Variants in RALGAPA1 observed in about 807,000 individuals in gnomAD.
RALGAPA1 encodes the protein Ral GTPase activating protein catalytic subunit alpha 1.
In RALGAPA1, 52 loss-of-function variants were observed where a neutral mutation model predicts 269.6. The ratio of observed to expected loss-of-function variants is 0.19; its 90% CI spans 0.15 to 0.24. RALGAPA1 has a LOEUF of 0.24. RALGAPA1 is among the 10% of genes least tolerant of loss of function. RALGAPA1 has a pLI of 1.00. For missense variants in RALGAPA1, 1,917 were observed against 3,013.9 expected, an observed-to-expected ratio of 0.64 and a Z score of 8.52; for synonymous variants, 817 against 1,008.3, an observed-to-expected ratio of 0.81 and a Z score of 3.60.
chr14:35,673,041 T>C lies in RALGAPA1; in HGVS notation c.4918-19A>G. On this transcript the variant is annotated intron_variant, in intron 24 of 41. Transcript: ENST00000680220. ...TGGTTGCCTAAAATTAAAAGATCAGTTTTAATGTTCAAAAAGAAATACTAT... is the reference window on the plus strand; with the variant it reads ...TGGTTGCCTAAAATTAAAAGATCAGCTTTAATGTTCAAAAAGAAATACTAT... 1 of 1,412,852 alleles carries C rather than the reference T, an allele frequency of 7.1e-7. No individual in the cohort carries two copies. The allele number at this position is 1,412,852 out of a possible 1,614,324, so 87.5% of individuals were successfully genotyped here.
Position 35,655,661 on chromosome 14 carries a change from A to C in RALGAPA1, c.5496+146T>G, listed in dbSNP as rs1054621176. ...AATTCAAGAAACAGAACAATTTTTA[A>C]GGAATGAGTCAGGATCAAGAAAATA... On this transcript the variant is annotated intron_variant, in intron 29 of 41. Transcript: ENST00000680220. The C allele has an allele frequency of 1.2e-5, 14 of 1,204,376 alleles. No homozygotes were observed. In the East Asian group the frequency reaches 2.8e-4, roughly 24 times the overall value. The allele number at this position is 1,204,376 out of a possible 1,614,324, so 74.6% of individuals were successfully genotyped here. A position where few individuals can be genotyped will look rare whatever the true frequency, so the allele number is the denominator to read the frequency against.
At chr14:35,805,918 G>A (rs2077339441) in intron 1 of RALGAPA1, among the ~76,000 whole-genome samples, 1 of 151,926 alleles carries the variant, frequency 6.6e-6, no homozygotes, top group South Asian at 2.1e-4. Flanking sequence ...TTGAATTCCT[G>A]ACCTCGTGAT....
At chr14:35,800,076 C>T (rs1416867100) in intron 1 of RALGAPA1, among the ~76,000 whole-genome samples, 1 of 152,088 alleles carries the variant, frequency 6.6e-6, no homozygotes, top group Non-Finnish European at 1.5e-5. Flanking sequence ...GACAGAGCTT[C>T]AAAACATATG....
At chr14:35,649,612 C>T (rs764600537) in intron 31 of RALGAPA1, among the ~76,000 whole-genome samples, 1 of 152,136 alleles carries the variant, frequency 6.6e-6, no homozygotes, top group Admixed American at 6.5e-5. Flanking sequence ...CTATTCATAC[C>T]ACTTGGAATA....
At chr14:35,606,787 A>AAATAAGG (rs1353016902) in intron 35 of RALGAPA1, among the ~76,000 whole-genome samples, 1 of 151,808 alleles carries the variant, frequency 6.6e-6, no homozygotes, top group Non-Finnish European at 1.5e-5. Flanking sequence ...AACAACAAGT[A>AAATAAGG]AATAAGGATT....
chr14:35,702,430 A>G (rs1252292310), intron 16 of RALGAPA1, among the ~76,000 whole-genome samples: 1 of 152,238 alleles, frequency 6.6e-6, no homozygotes, highest in Non-Finnish European at 1.5e-5. Flanking sequence ...ATTTGTCTTT[A>G]GTGTATGGCT....
chr14:35,745,763 CAA>C (rs1157650791), intron 10 of RALGAPA1, among the ~76,000 whole-genome samples: 16 of 33,130 alleles, frequency 4.8e-4, no homozygotes, highest in African/African-American at 1.3e-3. Context: ...GACTCCATCT[CAA>C]AAAAAAAAAA....
At position 35,728,354 on chromosome 14, in the gene RALGAPA1, T is replaced by G; in HGVS notation, c.1736+8A>C. 1 of 1,553,674 alleles carries G rather than the reference T, an allele frequency of 6.4e-7. No homozygotes were observed. The highest frequency in any genetic ancestry group is 1.4e-5 in the African/African-American group (1 of 72,394). On this transcript the variant is annotated splice_region_variant and intron_variant, in intron 13 of 41. Coordinates refer to ENST00000680220, the MANE Select transcript of RALGAPA1 (RefSeq NM_001346249.2). ...ACACATAGACATAAAGGATAAAAATTTTTTTACCAAGTCTTTTTGTCCATT... is the reference window on the plus strand; with the variant it reads ...ACACATAGACATAAAGGATAAAAATGTTTTTACCAAGTCTTTTTGTCCATT...
rs747768585 is a variant in RALGAPA1, at chr14:35,674,254, T to C, written c.4843A>G (p.Thr1615Ala). 3 of 1,611,888 alleles carry C rather than the reference T, an allele frequency of 1.9e-6. No homozygotes were observed. The highest frequency in any genetic ancestry group is 1.7e-5 in the Admixed American group (1 of 59,964). Reference protein sequence around the residue: ...AKIRDNLGISTDNLTSPSPPV... With the variant: ...AKIRDNLGISADNLTSPSPPV... ...GGAGAAGGGGAGGTCAGGTTATCAG[T>C]TGAAATGCCAAGGTTATCTCTAATC... The change falls in exon 24 of 42, where the codon ACT becomes GCT. Residue 1615 changes from threonine to alanine, a missense_variant. Physicochemically the swap from Thr to Ala is moderately conservative, Grantham distance 58. Coordinates refer to ENST00000680220, the MANE Select transcript of RALGAPA1 (RefSeq NM_001346249.2).
At chr14:35,795,995 A>G (rs1238380528) in intron 1 of RALGAPA1, among the ~76,000 whole-genome samples, 1 of 152,150 alleles carries the variant, frequency 6.6e-6, no homozygotes, top group African/African-American at 2.4e-5. Context: ...TATCCAAAAT[A>G]TAAGAAAGTA....
At chr14:35,725,002 T>C in intron 14 of RALGAPA1, 22 bp downstream of exon 14, 1 of 1,571,122 alleles carries the variant, frequency 6.4e-7, no homozygotes, top group South Asian at 1.2e-5. Flanking sequence ...CAGCTATTCA[T>C]CTATTTATTT....
intron 39 of RALGAPA1, 37 bp downstream of exon 39, chr14:35,570,580 C>T (rs752449686): frequency 3.1e-5 from 47 of 1,531,994 alleles, no homozygotes; most frequent in African/African-American, 7.0e-5. Flanking sequence ...AGTAGACATA[C>T]GTTAGAGTAG....
intron 35 of RALGAPA1, 37 bp downstream of exon 35, chr14:35,625,324 G>A (rs768019342): frequency 7.6e-7 from 1 of 1,323,582 alleles, no homozygotes; most frequent in South Asian, 1.2e-5. Flanking sequence ...AAATACCTGA[G>A]AGTTGCTAGT....
At chr14:35,554,641 C>T (rs1452527324) in intron 39 of RALGAPA1, among the ~76,000 whole-genome samples, 1 of 152,142 alleles carries the variant, frequency 6.6e-6, no homozygotes, top group Non-Finnish European at 1.5e-5. Context: ...CCACCGCGCC[C>T]GGCCTAAATA....
chr14:35,563,980 C>T (rs1370086100), intron 39 of RALGAPA1, among the ~76,000 whole-genome samples: 5 of 152,180 alleles, frequency 3.3e-5, no homozygotes, highest in East Asian at 1.9e-4. Flanking sequence ...CAGTGTATTG[C>T]TTTTGTACCA....
intron 36 of RALGAPA1, among the ~76,000 whole-genome samples, chr14:35,596,953 T>C (rs547684039): frequency 1.1e-4 from 16 of 152,166 alleles, no homozygotes; most frequent in Non-Finnish European, 2.1e-4. Flanking sequence ...CTTTTGGAAT[T>C]AATATACCTT....
At chr14:35,678,131 T>A (rs1270049809) in intron 21 of RALGAPA1, 29 bp from the exon 22 acceptor site, 2 of 1,586,674 alleles carry the variant, frequency 1.3e-6, no homozygotes, top group African/African-American at 2.7e-5. Context: ...AAAATTACCA[T>A]AAAGAGTATT....
At chr14:35,769,908 A>G (rs1426422968) in intron 4 of RALGAPA1, among the ~76,000 whole-genome samples, 2 of 152,212 alleles carry the variant, frequency 1.3e-5, no homozygotes, top group East Asian at 3.8e-4. Flanking sequence ...CCACTCATTC[A>G]CAAACTGTTT....
chr14:35,745,763 CAAAA>C (rs1157650791), intron 10 of RALGAPA1, among the ~76,000 whole-genome samples: 15 of 33,136 alleles, frequency 4.5e-4, no homozygotes, highest in African/African-American at 1.6e-3. Context: ...GACTCCATCT[CAAAA>C]AAAAAAAAAA....
Sources: gnomAD v4.1 joint callset for allele counts (sites outside exome capture counted in the v4.1 genomes callset) on GRCh38, gnomAD v4.1.1 for gene constraint, MANE v1.5 for transcripts, NCBI Gene and HGNC (gene_info 2026-07-23, HGNC 2026-07-21) for gene names.